NRDE2: variants seen among roughly 807,000 people sequenced by gnomAD.
NRDE2 encodes the protein nuclear exosome regulator NRDE2.
Under a neutral mutation model 124.2 loss-of-function variants are expected in NRDE2, and 76 were observed. The ratio of observed to expected loss-of-function variants is 0.61; its 90% CI spans 0.51 to 0.74. NRDE2 has a LOEUF of 0.74. Among genes scored for constraint, NRDE2 ranks in the 30% least tolerant of loss-of-function variants. The pLI, the probability that NRDE2 is intolerant of heterozygous loss-of-function variation, is 0.00. For synonymous variants in NRDE2, 489 were observed against 528.1 expected (o/e 0.93, Z 1.01); for missense variants, 1,314 against 1,417.3 (o/e 0.93, Z 1.17).
Position 90,269,700 on chromosome 14 carries a change from G to A in NRDE2, c.*8636C>T. 1.3e-6 allele frequency: 1 copy of A among 784,042 alleles called. No homozygotes were observed. Among genetic ancestry groups the A allele is most frequent in the Non-Finnish European group, 2.0e-6 (1 of 503,858 alleles). 48.6% of individuals were successfully genotyped at this position (784,042 alleles called of 1,614,324 possible). On this transcript the variant is annotated 3_prime_UTR_variant, in exon 14 of 14. Coordinates refer to ENST00000354366, the MANE Select transcript of NRDE2 (RefSeq NM_017970.4). ...ACAAAAAAATAGGTCCTCTTGAGAT[G>A]AGGGTTAAAACAGAGCATGATATGG...
rs8008761 is a variant in NRDE2 at position 90,273,410 on chromosome 14, T to C, written c.*4926A>G. On this transcript the variant is annotated 3_prime_UTR_variant, in exon 14 of 14. Coordinates refer to ENST00000354366, the MANE Select transcript of NRDE2 (RefSeq NM_017970.4). ...CCATCTTTACTAAAAATACAAAAAT[T>C]AGCTGTGCGTGGTGGCAGGTGCCTG... 0.58 allele frequency: 88,498 copies of C among 151,776 alleles called. 26,061 individuals are homozygous for C. The highest frequency in any genetic ancestry group is 0.72 in the Middle Eastern group (213 of 294). The allele number at this position is 151,776 out of a possible 1,614,324, so 9.4% of individuals were successfully genotyped here.
At chr14:90,298,179 A>T in intron 8 of NRDE2, 81 bp downstream of exon 8, 2 of 1,426,216 alleles carry the variant, frequency 1.4e-6, no homozygotes, top group Non-Finnish European at 2.0e-6. Flanking sequence ...TAAATAGCTT[A>T]AGCAGATAAA....
At chr14:90,323,940 C>A (rs930466547) in intron 1 of NRDE2, among the ~76,000 whole-genome samples, 1 of 152,074 alleles carries the variant, frequency 6.6e-6, no homozygotes, top group Non-Finnish European at 1.5e-5. Context: ...GCTAGGAATG[C>A]ACGATGAATA....
chr14:90,312,763 T>C (rs1884893112), intron 3 of NRDE2, among the ~76,000 whole-genome samples: 1 of 152,190 alleles, frequency 6.6e-6, no homozygotes. Context: ...CACCACTAAA[T>C]GACACTCTAC....
chr14:90,290,245 G>C lies in NRDE2; in HGVS notation c.2205C>G (p.Ser735=), dbSNP rs1228822229. The C allele has an allele frequency of 1.9e-6, 3 of 1,613,982 alleles. No homozygotes were observed. The highest frequency in any genetic ancestry group is 1.7e-5 in the Admixed American group (1 of 60,020). ...CCTTTGCAATCTCATACTGTAACCA[G>C]GAGAAGCAGAGCTGGGACTTCTCTT... ...SGKEKSQLCF[S]WLQYEIAKVI... is the part of the protein sequence containing the mutation. The change falls in exon 10 of 14, where the codon TCC becomes TCG. Residue 735 remains serine, a synonymous_variant. Coordinates refer to ENST00000354366, the MANE Select transcript of NRDE2 (RefSeq NM_017970.4).
At chr14:90,280,373 C>T (rs1891920954) in intron 12 of NRDE2, 1 of 152,242 alleles carries the variant, frequency 6.6e-6, no homozygotes, top group Admixed American at 6.5e-5. Context: ...CGTGTCCTCC[C>T]TGGTGGAAGC....
Position 90,268,481 on chromosome 14 carries a change from G to A in NRDE2, c.*9855C>T, listed in dbSNP as rs752396965. 50 of 1,504,288 alleles carry A rather than the reference G, an allele frequency of 3.3e-5. 1 individual carries two copies. Among genetic ancestry groups the A allele is most frequent in the Non-Finnish European group, 4.1e-5 (45 of 1,093,288 alleles). 93.2% of individuals were successfully genotyped at this position (1,504,288 alleles called of 1,614,324 possible). ...ACCGCATAGCTCTTCTCTTGAGAAT[G>A]AGCAATCTCAGGGGGCTCTCCCTAT... On this transcript the variant is annotated 3_prime_UTR_variant, in exon 14 of 14. Transcript: ENST00000354366.
At chr14:90,296,562 G>A (rs766283624) in intron 8 of NRDE2, among the ~76,000 whole-genome samples, 15 of 152,106 alleles carry the variant, frequency 9.9e-5, no homozygotes, top group Non-Finnish European at 1.6e-4. Flanking sequence ...CTGAACTGTC[G>A]TGCAAGACAA....
intron 1 of NRDE2, 48 bp downstream of exon 1, chr14:90,331,793 G>A: frequency 1.3e-6 from 2 of 1,590,444 alleles, no homozygotes; most frequent in Non-Finnish European, 1.7e-6. Context: ...CCGAGAAACA[G>A]CCTCTTAAGC....
chr14:90,326,654 C>T (rs1337950327), intron 1 of NRDE2, among the ~76,000 whole-genome samples: 2 of 152,098 alleles, frequency 1.3e-5, no homozygotes, highest in Admixed American at 1.3e-4. Context: ...GGTTTTTCTC[C>T]TCTGAATATA....
At chr14:90,296,293 T>A (rs1884144078) in intron 8 of NRDE2, among the ~76,000 whole-genome samples, 1 of 152,228 alleles carries the variant, frequency 6.6e-6, no homozygotes, top group African/African-American at 2.4e-5. Flanking sequence ...GCAGACTCAG[T>A]GGCTGAGTGC....
chr14:90,286,203 A>T, intron 12 of NRDE2, 151 bp downstream of exon 12: 1 of 850,848 alleles, frequency 1.2e-6, no homozygotes, highest in Non-Finnish European at 1.8e-6. Flanking sequence ...AGGATTTCTT[A>T]GAGATTCACC....
At chr14:90,300,558 AT>A (rs1214346760) in intron 7 of NRDE2, among the ~76,000 whole-genome samples, 3 of 151,936 alleles carry the variant, frequency 2.0e-5, no homozygotes. Flanking sequence ...ACATAGCTCT[AT>A]AAAAATTCTT....
At chr14:90,327,971 C>T (rs955677222) in intron 1 of NRDE2, among the ~76,000 whole-genome samples, 1 of 152,038 alleles carries the variant, frequency 6.6e-6, no homozygotes, top group African/African-American at 2.4e-5. Flanking sequence ...GTGAAACCCC[C>T]TATCTACTAA....
At chr14:90,284,588 C>T (rs1049546990) in intron 12 of NRDE2, among the ~76,000 whole-genome samples, 3 of 152,066 alleles carry the variant, frequency 2.0e-5, no homozygotes, top group Non-Finnish European at 4.4e-5. Context: ...AGGCTGGTCT[C>T]GAACTCCTGA....
rs1555358508 is a variant in NRDE2 at position 90,274,546 on chromosome 14, G to GTAT, written c.*3787_*3789dup. Reference sequence around the variant, plus strand: ...TAGACCCAGACCTTTGCTGCTAAAAGTATTATTCTCCACTAAAAGGAGTGA... The same window carrying GTAT: ...TAGACCCAGACCTTTGCTGCTAAAAGTATTATTATTCTCCACTAAAAGGAGTGA... On this transcript the variant is annotated 3_prime_UTR_variant, in exon 14 of 14. Coordinates refer to ENST00000354366, the MANE Select transcript of NRDE2 (RefSeq NM_017970.4). The GTAT allele has an allele frequency of 1.3e-5, 2 of 151,606 alleles. No homozygotes were observed. The highest frequency in any genetic ancestry group is 2.9e-5 in the Non-Finnish European group (2 of 67,880). The allele number at this position is 151,606 out of a possible 1,614,324, so 9.4% of individuals were successfully genotyped here.
chr14:90,271,039 T>A lies in NRDE2; in HGVS notation c.*7297A>T, dbSNP rs1891648347. ...GGCAAGTAAAATCTATCTTCTTTTTTAAAAATTGAAAGATCTTAAAATTTT... is the reference window on the plus strand; with the variant it reads ...GGCAAGTAAAATCTATCTTCTTTTTAAAAAATTGAAAGATCTTAAAATTTT... On this transcript the variant is annotated 3_prime_UTR_variant, in exon 14 of 14. Coordinates refer to ENST00000354366, the MANE Select transcript of NRDE2 (RefSeq NM_017970.4). 1 of 131,846 alleles carries A rather than the reference T, an allele frequency of 7.6e-6. No homozygotes were observed. 8.2% of individuals were successfully genotyped at this position (131,846 alleles called of 1,614,324 possible).
intron 1 of NRDE2, among the ~76,000 whole-genome samples, chr14:90,327,486 T>C (rs377002572): frequency 9.9e-5 from 15 of 152,090 alleles, no homozygotes; most frequent in African/African-American, 3.6e-4. Context: ...GAATTGGAGA[T>C]TGTAGTGAGC....
Position 90,317,995 on chromosome 14 carries a change from C to T in NRDE2, c.173+10G>A, listed in dbSNP as rs779912725. On this transcript the variant is annotated intron_variant, in intron 2 of 13. Coordinates refer to ENST00000354366, the MANE Select transcript of NRDE2 (RefSeq NM_017970.4). ...CAAAAACGAAAACACATCTGTCAAA[C>T]AAAAACTACCTTGTCAGCGGTAACC... The T allele has an allele frequency of 6.2e-7, 1 of 1,609,980 alleles. No individual in the cohort carries two copies. Among genetic ancestry groups the T allele is most frequent in the Admixed American group, 1.7e-5 (1 of 59,156 alleles).
Sources: allele counts gnomAD v4.1 joint callset (sites outside exome capture counted in the v4.1 genomes callset), GRCh38; gene constraint gnomAD v4.1.1; transcripts MANE v1.5; gene names NCBI Gene and HGNC (gene_info 2026-07-23, HGNC 2026-07-21).